The following KCNJ6 variants were observed in gnomAD, a reference collection of about 807,000 sequenced individuals.
KCNJ6 encodes the protein G protein-activated inward rectifier potassium channel 2.
Under a neutral mutation model 34.2 loss-of-function variants are expected in KCNJ6, and 9 were observed. The observed-to-expected ratio is 0.26, with a 90% confidence interval of 0.16 to 0.46. The LOEUF is 0.46. Among genes scored for constraint, KCNJ6 ranks in the 20% least tolerant of loss-of-function variants. The probability of loss-of-function intolerance (pLI) is 1.00; values close to 1 mark genes in which losing one functional copy is unlikely to be tolerated. For missense variants in KCNJ6, 236 were observed against 531.3 expected, an observed-to-expected ratio of 0.44 and a Z score of 5.46; for synonymous variants, 196 against 207.1, an observed-to-expected ratio of 0.95 and a Z score of 0.46.
chr21:37,707,368 T>C (rs969886180), intron 3 of KCNJ6, among the ~76,000 whole-genome samples: 1 of 152,188 alleles, frequency 6.6e-6, no homozygotes, highest in Non-Finnish European at 1.5e-5. Context: ...GTGTGGTCTA[T>C]AGAGGAAGAG....
Position 37,691,936 on chromosome 21 carries a change from TA to T in KCNJ6, c.946+22274del, listed in dbSNP as rs1191839282. 2.6e-5 allele frequency among the ~76,000 whole-genome samples: 4 copies of T among 151,984 alleles called. No homozygotes were observed. The East Asian group carries it at 5.8e-4, about 22-fold the overall frequency. On this transcript the variant is annotated intron_variant, in intron 3 of 3. Transcript: ENST00000609713. ...TTTTTGAGACGTTTTGCTGTATAAT[TA>T]AAAAAAAGGTTTCTCTAACCTCAGC... is the stretch of plus-strand genomic sequence containing the variant.
intron 2 of KCNJ6, among the ~76,000 whole-genome samples, chr21:37,767,260 G>C (rs894889560): frequency 6.6e-6 from 1 of 152,152 alleles, no homozygotes; most frequent in Non-Finnish European, 1.5e-5. Context: ...CAGCTGCCTC[G>C]TCCTCACCTC....
intron 2 of KCNJ6, among the ~76,000 whole-genome samples, chr21:37,785,816 T>G (rs2055190067): frequency 6.6e-6 from 1 of 152,198 alleles, no homozygotes; most frequent in African/African-American, 2.4e-5. Context: ...CCAGAGATTA[T>G]TGGATCATGA....
intron 2 of KCNJ6, among the ~76,000 whole-genome samples, chr21:37,798,009 G>A (rs954187156): frequency 2.0e-5 from 3 of 152,184 alleles, no homozygotes; most frequent in Non-Finnish European, 2.9e-5. Context: ...GCAGTCTAGA[G>A]CTTCCTAGTT....
intron 2 of KCNJ6, among the ~76,000 whole-genome samples, chr21:37,822,995 C>A (rs2055381181): frequency 6.6e-6 from 1 of 152,122 alleles, no homozygotes; most frequent in South Asian, 2.1e-4. Flanking sequence ...GGAAACCAGG[C>A]AAGAGACTAT....
Position 37,862,100 on chromosome 21 carries a change from C to A in KCNJ6, c.-27-21391G>T, listed in dbSNP as rs945330978. 3.9e-5 allele frequency among the ~76,000 whole-genome samples: 6 copies of A among 152,312 alleles called. No individual in the cohort carries two copies. In the East Asian group the frequency reaches 7.7e-4, roughly 20 times the overall value. On this transcript the variant is annotated intron_variant, in intron 1 of 3. Transcript: ENST00000609713. ...CTTAGAAGACAGCCCTTCTTGGAAC[C>A]AGTTTCCAATCTTACATAAGGTGTC...
chr21:37,851,197 G>A (rs748262085), intron 1 of KCNJ6, among the ~76,000 whole-genome samples: 17 of 152,142 alleles, frequency 1.1e-4, no homozygotes, highest in Admixed American at 7.2e-4. Context: ...AAGTGGTGTG[G>A]TTGCCTGTTC....
chr21:37,706,084 G>A (rs1260293864), intron 3 of KCNJ6, among the ~76,000 whole-genome samples: 1 of 152,184 alleles, frequency 6.6e-6, no homozygotes, highest in Non-Finnish European at 1.5e-5. Context: ...AAGTGGGAAG[G>A]GAACACACTT....
At chr21:37,777,389 C>T (rs532862304) in intron 2 of KCNJ6, among the ~76,000 whole-genome samples, 3 of 152,220 alleles carry the variant, frequency 2.0e-5, no homozygotes, top group East Asian at 1.9e-4. Flanking sequence ...CCTCACTTTC[C>T]CTGGACTCTC....
At chr21:37,700,465 C>T (rs1299427125) in intron 3 of KCNJ6, among the ~76,000 whole-genome samples, 2 of 152,180 alleles carry the variant, frequency 1.3e-5, no homozygotes, top group Non-Finnish European at 2.9e-5. Context: ...GGTCTCTATT[C>T]TCTAGCTCCT....
chr21:37,684,493 T>C (rs1783052), intron 3 of KCNJ6, among the ~76,000 whole-genome samples: 148,907 of 152,336 alleles, frequency 0.98, 72,815 homozygotes, highest in East Asian at 1. Context: ...GTTAGGACTT[T>C]ACCATATGAA....
chr21:37,863,778 A>T (rs1002542381), intron 1 of KCNJ6, among the ~76,000 whole-genome samples: 1 of 151,210 alleles, frequency 6.6e-6, no homozygotes, highest in Admixed American at 6.6e-5. Flanking sequence ...TAAGAAAAAA[A>T]ATGCTCCATG....
intron 2 of KCNJ6, among the ~76,000 whole-genome samples, chr21:37,791,405 G>A (rs563423451): frequency 6.6e-6 from 1 of 152,300 alleles, no homozygotes; most frequent in East Asian, 1.9e-4. Flanking sequence ...CCATGCAGGG[G>A]TGACCTGCAC....
At chr21:37,767,516 C>G (rs1433571083) in intron 2 of KCNJ6, among the ~76,000 whole-genome samples, 2 of 152,180 alleles carry the variant, frequency 1.3e-5, no homozygotes, top group African/African-American at 4.8e-5. Context: ...GTTGCCACTG[C>G]CAACCCTGAA....
At chr21:37,915,278 T>C (rs1457694837) in intron 1 of KCNJ6, among the ~76,000 whole-genome samples, 1 of 152,210 alleles carries the variant, frequency 6.6e-6, no homozygotes, top group African/African-American at 2.4e-5. Flanking sequence ...AATTACAAAA[T>C]AATTCAGTTT....
At chr21:37,724,212 T>C (rs2835913) in intron 2 of KCNJ6, among the ~76,000 whole-genome samples, 11,080 of 151,992 alleles carry the variant, frequency 0.073, 846 homozygotes, top group African/African-American at 0.19. Flanking sequence ...TGGTATGGAG[T>C]ATAGATTAGA....
chr21:37,763,325 T>G (rs2055075233), intron 2 of KCNJ6, among the ~76,000 whole-genome samples: 2 of 152,162 alleles, frequency 1.3e-5, no homozygotes, highest in South Asian at 4.1e-4. Flanking sequence ...ATGATCTGTC[T>G]TCTCGTGGTA....
chr21:37,645,409 G>T (rs895219503), intron 3 of KCNJ6, among the ~76,000 whole-genome samples: 2 of 151,916 alleles, frequency 1.3e-5, no homozygotes, highest in African/African-American at 2.4e-5. Context: ...AACCAAACAA[G>T]CTCCTTACAG....
In KCNJ6 at chr21:37,641,003, G is replaced by C. The variant is rs149701285; in HGVS notation, c.947-15519C>G. On this transcript the variant is annotated intron_variant, in intron 3 of 3. Transcript: ENST00000609713. Reference sequence around the variant, plus strand: ...TAAGTGCGTGCATGCATGTAATGGGGAGGAGGTTTAAGAAAAAGTAGGGAA... The same window carrying C: ...TAAGTGCGTGCATGCATGTAATGGGCAGGAGGTTTAAGAAAAAGTAGGGAA... Among the ~76,000 whole-genome samples, 454 of 152,336 alleles carry C rather than the reference G, an allele frequency of 3.0e-3. 4 individuals are homozygous for C. In the Middle Eastern group the frequency reaches 0.051, roughly 17 times the overall value.
Sources: gnomAD v4.1 joint callset for allele counts (sites outside exome capture counted in the v4.1 genomes callset) on GRCh38, gnomAD v4.1.1 for gene constraint, MANE v1.5 for transcripts, NCBI Gene and HGNC (gene_info 2026-07-23, HGNC 2026-07-21) for gene names.